The following SLC7A5 variants were observed in gnomAD, a reference collection of about 807,000 sequenced individuals.
SLC7A5 encodes the protein solute carrier family 7 member 5.
Under a neutral mutation model 50.2 loss-of-function variants are expected in SLC7A5, and 23 were observed. That is an observed-to-expected ratio of 0.46 (90% CI 0.33 to 0.65). SLC7A5 has a LOEUF of 0.65. Among genes scored for constraint, SLC7A5 ranks in the 30% least tolerant of loss-of-function variants. SLC7A5 has a pLI of 0.02. For synonymous variants in SLC7A5, 393 were observed against 330.6 expected, an observed-to-expected ratio of 1.19 and a Z score of -2.05; for missense variants, 578 against 684.4, an observed-to-expected ratio of 0.84 and a Z score of 1.73.
chr16:87,846,222 A>G (rs1278164837), intron 2 of SLC7A5, among the ~76,000 whole-genome samples: 1 of 152,212 alleles, frequency 6.6e-6, no homozygotes, highest in Non-Finnish European at 1.5e-5. Context: ...CTGTCCCTGC[A>G]TGACCCTGAG....
chr16:87,868,307 C>G (rs1159553005), intron 1 of SLC7A5, among the ~76,000 whole-genome samples: 2 of 152,278 alleles, frequency 1.3e-5, no homozygotes, highest in Admixed American at 1.3e-4. Context: ...AAGCTCCGCT[C>G]TCTCACTACT....
At chr16:87,867,310 G>T (rs2055475466) in intron 1 of SLC7A5, among the ~76,000 whole-genome samples, 3 of 152,188 alleles carry the variant, frequency 2.0e-5, no homozygotes, top group African/African-American at 7.2e-5. Flanking sequence ...TACCTAGGCG[G>T]GAGGGAGACT....
Position 87,832,880 on chromosome 16 carries a change from G to A in SLC7A5, c.*90C>T. 2 of 1,039,608 alleles carry A rather than the reference G, an allele frequency of 1.9e-6. No individual in the cohort carries two copies. The highest frequency in any genetic ancestry group is 2.5e-5 in the South Asian group (2 of 79,432). 64.4% of individuals were successfully genotyped at this position (1,039,608 alleles called of 1,614,324 possible). On this transcript the variant is annotated 3_prime_UTR_variant, in exon 10 of 10. Transcript: ENST00000261622. The surrounding 1 kb of genome is among the most constrained non-coding windows in gnomAD (Gnocchi z 4.6). The stretch of plus-strand genomic sequence containing the variant: ...GGACTGGGATGGGCAGCTGAGCTGT[G>A]GGTTGCGGGGAACCGGAGTGGGTTC...
At chr16:87,854,676 T>C (rs903143369) in intron 1 of SLC7A5, among the ~76,000 whole-genome samples, 1 of 152,264 alleles carries the variant, frequency 6.6e-6, no homozygotes, top group Non-Finnish European at 1.5e-5. Context: ...CGGGGACAGC[T>C]GGGCCAGGAG....
chr16:87,865,701 T>A (rs1384807342), intron 1 of SLC7A5, among the ~76,000 whole-genome samples: 1 of 152,030 alleles, frequency 6.6e-6, no homozygotes, highest in Non-Finnish European at 1.5e-5. Context: ...CAAAACTCCA[T>A]CTCAAAGATA....
chr16:87,855,087 A>C (rs1419766208), intron 1 of SLC7A5, among the ~76,000 whole-genome samples: 1 of 152,226 alleles, frequency 6.6e-6, no homozygotes, highest in Non-Finnish European at 1.5e-5. Flanking sequence ...GTCCTGACTC[A>C]AAAGCCACTT....
intron 2 of SLC7A5, among the ~76,000 whole-genome samples, chr16:87,842,819 C>T (rs929706377): frequency 3.9e-5 from 6 of 152,164 alleles, no homozygotes; most frequent in South Asian, 2.1e-4. Flanking sequence ...AGGCCTGGAG[C>T]GGGGGCAGCT....
chr16:87,863,439 T>G (rs2055423024), intron 1 of SLC7A5, among the ~76,000 whole-genome samples: 1 of 152,166 alleles, frequency 6.6e-6, no homozygotes, highest in Non-Finnish European at 1.5e-5. Context: ...AGCTCCAGCC[T>G]TTGCGCCTTC....
chr16:87,831,563 A>G lies in SLC7A5; in HGVS notation c.*1407T>C, dbSNP rs2054936024. ...CCAGCTCCTCCAGCCACAGCTGAGC[A>G]CTGGAGTGACGCTGGACCACTTGGC... On this transcript the variant is annotated 3_prime_UTR_variant, in exon 10 of 10. Coordinates refer to ENST00000261622, the MANE Select transcript of SLC7A5 (RefSeq NM_003486.7). The G allele has an allele frequency of 6.6e-6, 1 of 152,232 alleles. No individual in the cohort carries two copies. The highest frequency in any genetic ancestry group is 2.4e-5 in the African/African-American group (1 of 41,448). The allele number at this position is 152,232 out of a possible 1,614,324, so 9.4% of individuals were successfully genotyped here. A position where few individuals can be genotyped will look rare whatever the true frequency, so the allele number is the denominator to read the frequency against.
At position 87,862,149 on chromosome 16, in the gene SLC7A5, A is replaced by C. The variant is rs868418869; in HGVS notation, c.538+6736T>G. Among the ~76,000 whole-genome samples, 7 of 151,760 alleles carry C rather than the reference A, an allele frequency of 4.6e-5. No homozygotes were observed. The highest frequency in any genetic ancestry group is 5.9e-5 in the Non-Finnish European group (4 of 67,920). On this transcript the variant is annotated intron_variant, in intron 1 of 9. Transcript: ENST00000261622. This position sits in a 1 kb window ranked among gnomAD's most constrained non-coding sequence, Gnocchi z 5.3. ...ACAGGCTACAGGTGCTTGATACCCC[A>C]GGGGGGCCCTGGAACAGGCCTGGAC...
At chr16:87,868,130 AAAAG>A (rs1375494674) in intron 1 of SLC7A5, among the ~76,000 whole-genome samples, 34 of 149,090 alleles carry the variant, frequency 2.3e-4, no homozygotes, top group African/African-American at 7.0e-4. Flanking sequence ...AAAAAAAAAA[AAAAG>A]AAAGAAAAAG....
chr16:87,841,013 TCCCCAGACCAAGG>T lies in SLC7A5; in HGVS notation c.770+24_770+36del. The T allele has an allele frequency of 1.4e-6, 2 of 1,438,460 alleles. No homozygotes were observed. Among genetic ancestry groups the T allele is most frequent in the Non-Finnish European group, 2.0e-6 (2 of 1,021,120 alleles). 89.1% of individuals were successfully genotyped at this position (1,438,460 alleles called of 1,614,324 possible). Reference sequence around the variant, plus strand: ...TCCTGGACACGTCAGGGACTGTATGTCCCCAGACCAAGGGACCCAGACATTCCAGAACCTACCA... The same window carrying T: ...TCCTGGACACGTCAGGGACTGTATGTGACCCAGACATTCCAGAACCTACCA... On this transcript the variant is annotated intron_variant, in intron 3 of 9. Coordinates refer to ENST00000261622, the MANE Select transcript of SLC7A5 (RefSeq NM_003486.7). This position sits in a 1 kb window ranked among gnomAD's most constrained non-coding sequence, Gnocchi z 4.8.
rs112292231 is a variant in SLC7A5 at position 87,851,401 on chromosome 16, G to T, written c.664+323C>A. 3.5e-3 allele frequency among the ~76,000 whole-genome samples: 536 copies of T among 152,282 alleles called. 3 individuals are homozygous for T. The highest frequency in any genetic ancestry group is 0.012 in the African/African-American group (516 of 41,566). The stretch of plus-strand genomic sequence containing the variant: ...GGCAGGCATAGCCCCTGCCAGGCCT[G>T]GAATGTTCCACATCGCCCCCAGGTG... On this transcript the variant is annotated intron_variant, in intron 2 of 9. Coordinates refer to ENST00000261622, the MANE Select transcript of SLC7A5 (RefSeq NM_003486.7).
Position 87,868,846 on chromosome 16 carries a change from C to T in SLC7A5, c.538+39G>A, listed in dbSNP as rs1195573061. ...ATGCAAGGATGCAGGGACCCAGAGA[C>T]TACGACCTCCCAACCCCCGGCCCGC... On this transcript the variant is annotated intron_variant, in intron 1 of 9. Transcript: ENST00000261622. The T allele has an allele frequency of 6.4e-6, 10 of 1,563,378 alleles. No individual in the cohort carries two copies. In the East Asian group the frequency reaches 2.1e-4, roughly 33 times the overall value.
chr16:87,832,912 G>C lies in SLC7A5; in HGVS notation c.*58C>G. 1 of 1,409,542 alleles carries C rather than the reference G, an allele frequency of 7.1e-7. No homozygotes were observed. The highest frequency in any genetic ancestry group is 1.0e-6 in the Non-Finnish European group (1 of 994,232). The allele number at this position is 1,409,542 out of a possible 1,614,324, so 87.3% of individuals were successfully genotyped here. On this transcript the variant is annotated 3_prime_UTR_variant, in exon 10 of 10. Coordinates refer to ENST00000261622, the MANE Select transcript of SLC7A5 (RefSeq NM_003486.7). The surrounding 1 kb of genome is among the most constrained non-coding windows in gnomAD (Gnocchi z 4.6). ...GGGGAACCGGAGTGGGTTCGAGGAG[G>C]TGATCTACTTTAACTGGCCTCTGCG...
In SLC7A5 at chr16:87,831,145, AAC is replaced by A. The variant is rs58628744; in HGVS notation, c.*1823_*1824del. On this transcript the variant is annotated 3_prime_UTR_variant, in exon 10 of 10. Transcript: ENST00000261622. The stretch of plus-strand genomic sequence containing the variant: ...GGCCCAGAGGGAAGAGGTCTTGCCC[AAC>A]ACAGTCAGTCCACCTGCCTGCTGGT... 0.14 allele frequency: 21,965 copies of A among 152,218 alleles called. 1,811 individuals are homozygous for A. Among genetic ancestry groups the A allele is most frequent in the South Asian group, 0.33 (1,601 of 4,820 alleles). 9.4% of individuals were successfully genotyped at this position (152,218 alleles called of 1,614,324 possible).
At position 87,841,187 on chromosome 16, in the gene SLC7A5, A is replaced by T. The variant is rs748221407; in HGVS notation, c.665-32T>A. The stretch of plus-strand genomic sequence containing the variant: ...GGGCCAAAGAAAGGAATGCTGGGTT[A>T]GAGAGCGCTGAACAGAGGTCATGCT... On this transcript the variant is annotated intron_variant, in intron 2 of 9. Coordinates refer to ENST00000261622, the MANE Select transcript of SLC7A5 (RefSeq NM_003486.7). The surrounding 1 kb of genome is among the most constrained non-coding windows in gnomAD (Gnocchi z 4.8). The T allele has an allele frequency of 7.0e-7, 1 of 1,423,858 alleles. No individual in the cohort carries two copies. The highest frequency in any genetic ancestry group is 1.1e-5 in the South Asian group (1 of 87,292). 88.2% of individuals were successfully genotyped at this position (1,423,858 alleles called of 1,614,324 possible).
intron 1 of SLC7A5, among the ~76,000 whole-genome samples, chr16:87,865,600 G>C (rs766751423): frequency 6.6e-6 from 1 of 152,116 alleles, no homozygotes; most frequent in African/African-American, 2.4e-5. Context: ...CCAGCTACTC[G>C]GGAGGCTGAG....
chr16:87,842,961 C>T (rs28684940), intron 2 of SLC7A5, among the ~76,000 whole-genome samples: 52,713 of 151,950 alleles, frequency 0.35, 10,423 homozygotes, highest in South Asian at 0.57. Flanking sequence ...TACTGTGTCT[C>T]GCCCACTTAC....
Sources: gnomAD v4.1 joint callset for allele counts (sites outside exome capture counted in the v4.1 genomes callset) on GRCh38, gnomAD v4.1.1 for gene constraint, Gnocchi (gnomAD v3.1) non-coding constraint, MANE v1.5 for transcripts, NCBI Gene and HGNC (gene_info 2026-07-23, HGNC 2026-07-21) for gene names.